SIPA1L3: variants seen among roughly 807,000 people sequenced by gnomAD.
The protein encoded by SIPA1L3 is signal induced proliferation associated 1 like 3, also known as signal-induced proliferation-associated 1-like protein 3.
Under a neutral mutation model 150.1 loss-of-function variants are expected in SIPA1L3, and 59 were observed. The ratio of observed to expected loss-of-function variants is 0.39; its 90% confidence interval spans 0.32 to 0.49. The LOEUF is 0.49. Among genes scored for constraint, SIPA1L3 ranks in the 20% least tolerant of loss-of-function variants. The probability of loss-of-function intolerance (pLI) is 0.86; values close to 1 mark genes in which losing one functional copy is unlikely to be tolerated. For missense variants in SIPA1L3, 2,211 were observed against 2,489.5 expected (o/e 0.89, Z 2.38); for synonymous variants, 1,070 against 1,077.6 (o/e 0.99, Z 0.14).
At chr19:38,088,570 G>A (rs1970191919) in intron 3 of SIPA1L3, 151 bp from the exon 4 acceptor site, 1 of 899,502 alleles carries the variant, frequency 1.1e-6, no homozygotes, top group Non-Finnish European at 1.6e-6. Flanking sequence ...CTCCACTGGG[G>A]GTGTCTGTGA....
intron 1 of SIPA1L3, among the ~76,000 whole-genome samples, chr19:37,975,797 C>A (rs181400650): frequency 3.9e-5 from 6 of 152,140 alleles, no homozygotes; most frequent in African/African-American, 1.2e-4. Context: ...CTACCACCCC[C>A]AGGAGGCATT....
chr19:38,053,587 C>T (rs1302836685), intron 2 of SIPA1L3, among the ~76,000 whole-genome samples: 1 of 151,786 alleles, frequency 6.6e-6, no homozygotes, highest in Non-Finnish European at 1.5e-5. Flanking sequence ...ATGGGGGTCT[C>T]GCTGTGTCAC....
chr19:37,964,111 A>G (rs1034400023), intron 1 of SIPA1L3: 1 of 152,178 alleles, frequency 6.6e-6, no homozygotes, highest in African/African-American at 2.4e-5. Context: ...TAAATATTTC[A>G]GTAAATAGTT....
chr19:37,941,345 C>T (rs1431914448), intron 1 of SIPA1L3, among the ~76,000 whole-genome samples: 4 of 152,080 alleles, frequency 2.6e-5, no homozygotes, highest in African/African-American at 4.8e-5. Context: ...AGAACCTGCC[C>T]CTCATCTATT....
chr19:38,084,743 G>A (rs537407918), intron 3 of SIPA1L3, among the ~76,000 whole-genome samples: 1 of 150,294 alleles, frequency 6.7e-6, no homozygotes, highest in African/African-American at 2.4e-5. Flanking sequence ...GGGTTCACGC[G>A]ATTCTCCTGC....
At chr19:38,137,582 G>C (rs1373211109) in intron 10 of SIPA1L3, among the ~76,000 whole-genome samples, 1 of 151,908 alleles carries the variant, frequency 6.6e-6, no homozygotes, top group Non-Finnish European at 1.5e-5. Flanking sequence ...TTATAGGTGT[G>C]AGCCACTGCA....
chr19:38,192,279 A>C lies in SIPA1L3; in HGVS notation c.4565A>C (p.Asn1522Thr). ...DDLKKLIIMD[N>T]LGPEQERDTG... is the part of the protein sequence containing the mutation. ...CTGAAGAAACTCATCATCATGGACAACCTGGGGCCAGAGCAGGAGAGAGAC... is the reference window on the plus strand; with the variant it reads ...CTGAAGAAACTCATCATCATGGACACCCTGGGGCCAGAGCAGGAGAGAGAC... Residue 1522 changes from asparagine to threonine, a missense_variant, in exon 17 of 22, where the codon AAC becomes ACC. Physicochemically the swap from Asn to Thr is moderately conservative, Grantham distance 65. Transcript: ENST00000222345. The C allele has an allele frequency of 6.2e-7, 1 of 1,612,252 alleles. No individual in the cohort carries two copies. Among genetic ancestry groups the C allele is most frequent in the Non-Finnish European group, 8.5e-7 (1 of 1,179,206 alleles).
At chr19:38,115,532 A>G (rs1225025354) in intron 8 of SIPA1L3, among the ~76,000 whole-genome samples, 1 of 152,186 alleles carries the variant, frequency 6.6e-6, no homozygotes, top group East Asian at 1.9e-4. Context: ...TAAGGATAGG[A>G]AGTGCTAACT....
intron 1 of SIPA1L3, among the ~76,000 whole-genome samples, chr19:37,970,175 C>T (rs760958090): frequency 2.0e-5 from 3 of 152,260 alleles, no homozygotes; most frequent in Admixed American, 6.5e-5. Flanking sequence ...AAAACCCTGG[C>T]GGTGAAATTT....
chr19:37,976,115 AAAAG>A (rs202211678), intron 1 of SIPA1L3, among the ~76,000 whole-genome samples: 37,605 of 149,322 alleles, frequency 0.25, 6,083 homozygotes, highest in Non-Finnish European at 0.37. Flanking sequence ...AAAAAAAAAA[AAAAG>A]AAAGAAAAGA....
intron 2 of SIPA1L3, among the ~76,000 whole-genome samples, chr19:38,054,739 T>C (rs911713446): frequency 6.6e-6 from 1 of 151,914 alleles, no homozygotes; most frequent in Non-Finnish European, 1.5e-5. Context: ...AACCTTTTGT[T>C]TGGCACTAAC....
intron 21 of SIPA1L3, among the ~76,000 whole-genome samples, chr19:38,205,884 C>T (rs1973198847): frequency 6.6e-6 from 1 of 152,248 alleles, no homozygotes; most frequent in Non-Finnish European, 1.5e-5. Context: ...AGACACCCCT[C>T]AGCCTCCTGG....
chr19:38,021,845 G>A lies in SIPA1L3; in HGVS notation c.-378-7244G>A, dbSNP rs139306460. On this transcript the variant is annotated intron_variant, in intron 1 of 21. Transcript: ENST00000222345. Reference sequence around the variant, plus strand: ...ACAGGCGTGAGCCACTGCACCCCGCGTATGAATCCAGTCCTTTTTGTGAGG... The same window carrying A: ...ACAGGCGTGAGCCACTGCACCCCGCATATGAATCCAGTCCTTTTTGTGAGG... 9.2e-5 allele frequency among the ~76,000 whole-genome samples: 14 copies of A among 152,130 alleles called. 1 individual carries two copies. Among genetic ancestry groups the A allele is most frequent in the East Asian group, 5.8e-4 (3 of 5,176 alleles).
chr19:37,982,451 T>A (rs925306778), intron 1 of SIPA1L3, among the ~76,000 whole-genome samples: 2 of 152,218 alleles, frequency 1.3e-5, no homozygotes, highest in Admixed American at 1.3e-4. Context: ...TCTTCCAGCG[T>A]TCACCATGTG....
At chr19:38,088,964 C>G in intron 4 of SIPA1L3, 113 bp downstream of exon 4, 1 of 1,162,676 alleles carries the variant, frequency 8.6e-7, no homozygotes, top group Non-Finnish European at 1.2e-6. Flanking sequence ...CTCCCAACAA[C>G]CCCGGGAGAG....
chr19:37,975,618 A>G (rs1405166021), intron 1 of SIPA1L3, among the ~76,000 whole-genome samples: 1 of 152,222 alleles, frequency 6.6e-6, no homozygotes, highest in Non-Finnish European at 1.5e-5. Flanking sequence ...GCCTGTGGCA[A>G]GGGCTCTATA....
chr19:38,050,183 T>C (rs1969156573), intron 2 of SIPA1L3, among the ~76,000 whole-genome samples: 1 of 152,226 alleles, frequency 6.6e-6, no homozygotes, highest in African/African-American at 2.4e-5. Context: ...TGGCTGGGCA[T>C]GGTGGCTCAC....
chr19:38,182,433 T>G (rs1175634683), intron 15 of SIPA1L3, 86 bp from the exon 16 acceptor site: 2 of 1,019,990 alleles, frequency 2.0e-6, no homozygotes, highest in Non-Finnish European at 2.9e-6. Context: ...ACTTTTTTGA[T>G]TCCCAAGAGT....
rs557840655 is a variant in SIPA1L3 at position 37,960,560 on chromosome 19, C to T, written c.-379+53202C>T. Among the ~76,000 whole-genome samples, 27 of 152,064 alleles carry T rather than the reference C, an allele frequency of 1.8e-4. No homozygotes were observed. The South Asian group carries it at 5.0e-3, about 28-fold the overall frequency. ...CTGGGACTACAGGTGCCCACCACCACGCCTGGCTAATTTTTTTTTTTTATT... is the reference window on the plus strand; with the variant it reads ...CTGGGACTACAGGTGCCCACCACCATGCCTGGCTAATTTTTTTTTTTTATT... On this transcript the variant is annotated intron_variant, in intron 1 of 21. Coordinates refer to ENST00000222345, the MANE Select transcript of SIPA1L3 (RefSeq NM_015073.3).
Sources: allele counts gnomAD v4.1 joint callset (sites outside exome capture counted in the v4.1 genomes callset), GRCh38; gene constraint gnomAD v4.1.1; transcripts MANE v1.5; gene names NCBI Gene and HGNC (gene_info 2026-07-23, HGNC 2026-07-21).